LHX1: variants seen among roughly 807,000 people sequenced by gnomAD.
The protein encoded by LHX1 is LIM/homeobox protein Lhx1.
A neutral mutation model predicts 34.1 loss-of-function variants in LHX1; 9 were observed. The observed-to-expected ratio is 0.26, with a 90% CI of 0.16 to 0.46. LHX1 has a LOEUF of 0.46. LHX1 is among the 20% of genes least tolerant of loss of function. The pLI is 1.00. For synonymous variants in LHX1, 254 were observed against 241.5 expected, an observed-to-expected ratio of 1.05 and a Z score of -0.48; for missense variants, 446 against 559.1, an observed-to-expected ratio of 0.80 and a Z score of 2.04.
chr17:36,938,488 C>A, intron 1 of LHX1, 121 bp downstream of exon 1: 6 of 1,030,464 alleles, frequency 5.8e-6, no homozygotes, highest in Non-Finnish European at 7.2e-6. Context: ...GAGAGGGCAG[C>A]CAAGTCCCGC....
chr17:36,942,264 G>C lies in LHX1; in HGVS notation c.740G>C (p.Arg247Pro). Residue 247 changes from arginine (R) to proline (P), a missense_variant, in exon 4 of 5, where the codon CGG becomes CCG. Around this residue, in one of 3 missense-constraint regions of LHX1, gnomAD observed 43 missense variants for 108.0 expected, o/e 0.40. Coordinates refer to ENST00000614239, the MANE Select transcript of LHX1 (RefSeq NM_005568.5). ...RMKQLSALGA[R>P]RHAFFRSPRR... ...AAGCAGCTGAGCGCCCTGGGCGCCC[G>C]GCGCCACGCCTTCTTCCGCAGTCCG... 1 of 1,599,728 alleles carries C rather than the reference G, an allele frequency of 6.3e-7. No homozygotes were observed. The highest frequency in any genetic ancestry group is 8.5e-7 in the Non-Finnish European group (1 of 1,175,076).
rs1231657071 is a variant in LHX1, at chr17:36,944,216, A to G, written c.*1085A>G. 6.6e-6 allele frequency: 1 copy of G among 151,920 alleles called. No homozygotes were observed. The highest frequency in any genetic ancestry group is 2.4e-5 in the African/African-American group (1 of 41,356). The allele number at this position is 151,920 out of a possible 1,614,324, so 9.4% of individuals were successfully genotyped here. A position where few individuals can be genotyped will look rare whatever the true frequency, so the allele number is the denominator to read the frequency against. On this transcript the variant is annotated 3_prime_UTR_variant, in exon 5 of 5. Coordinates refer to ENST00000614239, the MANE Select transcript of LHX1 (RefSeq NM_005568.5). The stretch of plus-strand genomic sequence containing the variant: ...GACAGTTGCCAAATAGAATAATTAT[A>G]GCACAAATACTGTAAAGGTGCCTGG...
In LHX1 at chr17:36,944,530, C is replaced by T. The variant is rs912213870; in HGVS notation, c.*1399C>T. 1 of 152,152 alleles carries T rather than the reference C, an allele frequency of 6.6e-6. No individual in the cohort carries two copies. The highest frequency in any genetic ancestry group is 6.5e-5 in the Admixed American group (1 of 15,280). The allele number at this position is 152,152 out of a possible 1,614,324, so 9.4% of individuals were successfully genotyped here. On this transcript the variant is annotated 3_prime_UTR_variant, in exon 5 of 5. Coordinates refer to ENST00000614239, the MANE Select transcript of LHX1 (RefSeq NM_005568.5). The stretch of plus-strand genomic sequence containing the variant: ...ACCTAAGCTTGTGTGACCTCCAGTG[C>T]ATATTAGACCATTCACTGTATGAAA...
At position 36,938,130 on chromosome 17, in the gene LHX1, G is replaced by A; in HGVS notation, c.-68G>A. ...GGGGAGCTCGTGCCGATTGTCTTCA[G>A]GAGTCATCCCCTGGGCTCTACTTTG... On this transcript the variant is annotated 5_prime_UTR_variant, in exon 1 of 5. Transcript: ENST00000614239. The A allele has an allele frequency of 6.6e-7, 1 of 1,508,792 alleles. No homozygotes were observed. Among genetic ancestry groups the A allele is most frequent in the South Asian group, 1.1e-5 (1 of 88,880 alleles). 93.5% of individuals were successfully genotyped at this position (1,508,792 alleles called of 1,614,324 possible). A position where few individuals can be genotyped will look rare whatever the true frequency, so the allele number is the denominator to read the frequency against.
rs1051008417 is a variant in LHX1, at chr17:36,937,891, G to C, written c.-307G>C. On this transcript the variant is annotated 5_prime_UTR_variant, in exon 1 of 5. Coordinates refer to ENST00000614239, the MANE Select transcript of LHX1 (RefSeq NM_005568.5). ...ACTCCTCCGCGGGCTCTGAGCAGAA[G>C]GGTCGCATTCTCTCCCGCCTGAGAC... 1.7e-6 allele frequency: 1 copy of C among 602,906 alleles called. No homozygotes were observed. Among genetic ancestry groups the C allele is most frequent in the South Asian group, 1.6e-5 (1 of 62,292 alleles). The allele number at this position is 602,906 out of a possible 1,614,324, so 37.3% of individuals were successfully genotyped here. A position where few individuals can be genotyped will look rare whatever the true frequency, so the allele number is the denominator to read the frequency against.
Position 36,940,656 on chromosome 17 carries a change from G to T in LHX1, c.444G>T (p.Pro148=), listed in dbSNP as rs754162995. The change falls in exon 3 of 5, where the codon CCG becomes CCT. Residue 148 remains proline, a synonymous_variant. Transcript: ENST00000614239. ...DPSLSPDSQD[P]SQDDAKDSES... is the part of the protein sequence containing the mutation. ...GTTTGTCTCCGGATTCCCAAGACCC[G>T]TCGCAGGACGACGCCAAGGACTCGG... is the stretch of plus-strand genomic sequence containing the variant. The T allele has an allele frequency of 5.6e-6, 9 of 1,613,738 alleles. No homozygotes were observed. Among genetic ancestry groups the T allele is most frequent in the African/African-American group, 5.3e-5 (4 of 74,926 alleles).
intron 3 of LHX1, chr17:36,941,525 G>C (rs967031739): frequency 1.1e-5 from 3 of 267,666 alleles, no homozygotes; most frequent in African/African-American, 2.2e-5. Flanking sequence ...AGTGCTAGGT[G>C]TCCGGTTCAC....
At chr17:36,941,380 C>T (rs1405113277) in intron 3 of LHX1, 2 of 342,272 alleles carry the variant, frequency 5.8e-6, no homozygotes, top group Non-Finnish European at 1.2e-5. Flanking sequence ...AGAGGTGGTT[C>T]CGCCGGGAGT....
chr17:36,940,904 C>A lies in LHX1; in HGVS notation c.675+17C>A. ...GTCATTCAGGTCAGGCCCCGGCGCG[C>A]CTCTCCATCCCACAGAGGCCCACAC... On this transcript the variant is annotated intron_variant, in intron 3 of 4. Coordinates refer to ENST00000614239, the MANE Select transcript of LHX1 (RefSeq NM_005568.5). 1 of 1,565,434 alleles carries A rather than the reference C, an allele frequency of 6.4e-7. No homozygotes were observed.
In LHX1 at chr17:36,943,659, T is replaced by TA. The variant is rs1245403489; in HGVS notation, c.*529dup. The TA allele has an allele frequency of 6.6e-6, 1 of 152,340 alleles. No individual in the cohort carries two copies. Among genetic ancestry groups the TA allele is most frequent in the Non-Finnish European group, 1.5e-5 (1 of 68,200 alleles). 9.4% of individuals were successfully genotyped at this position (152,340 alleles called of 1,614,324 possible). The stretch of plus-strand genomic sequence containing the variant: ...CAACAACAGCGACAAAAAACTCTTA[T>TA]AGCTTCAGAAACGCCGACCTGCCGT... On this transcript the variant is annotated 3_prime_UTR_variant, in exon 5 of 5. Transcript: ENST00000614239.
upstream of LHX1, chr17:36,937,150 A>G (rs543067195): frequency 2.3e-6 from 1 of 432,570 alleles, no homozygotes; most frequent in Non-Finnish European, 4.6e-6. Context: ...CTGTGGGGTT[A>G]GACGGAGGCA....
rs1026292207 is a variant in LHX1, at chr17:36,941,158, T to G, written c.675+271T>G. On this transcript the variant is annotated intron_variant, in intron 3 of 4. Transcript: ENST00000614239. ...CCAGAGGCTGGAGGAGGAGAACTGTTGAACACTCTGGAGAGAGTGGGGAGC... is the reference window on the plus strand; with the variant it reads ...CCAGAGGCTGGAGGAGGAGAACTGTGGAACACTCTGGAGAGAGTGGGGAGC... 10 of 701,608 alleles carry G rather than the reference T, an allele frequency of 1.4e-5. No homozygotes were observed. In the African/African-American group the frequency reaches 1.6e-4, roughly 11 times the overall value. The allele number at this position is 701,608 out of a possible 1,614,324, so 43.5% of individuals were successfully genotyped here. A position where few individuals can be genotyped will look rare whatever the true frequency, so the allele number is the denominator to read the frequency against.
At chr17:36,940,252 CA>C (rs2070755243) in intron 1 of LHX1, 37 bp from the exon 2 acceptor site, 1 of 651,752 alleles carries the variant, frequency 1.5e-6, no homozygotes, top group Admixed American at 2.1e-5. Context: ...CTGGCTGACC[CA>C]TCCCCGCCCC....
chr17:36,940,455 C>T lies in LHX1; in HGVS notation c.336C>T (p.Phe112=), dbSNP rs780852541. The change falls in exon 2 of 5, where the codon TTC becomes TTT. Residue 112 remains phenylalanine, a synonymous_variant. Transcript: ENST00000614239. ...EELYIIDENK[F]VCKEDYLSNS... ...TCTACATCATCGACGAGAATAAGTT[C>T]GTCTGCAAAGAGGATTACCTAAGTA... The T allele has an allele frequency of 1.9e-6, 3 of 1,614,008 alleles. No homozygotes were observed. Among genetic ancestry groups the T allele is most frequent in the South Asian group, 1.1e-5 (1 of 91,094 alleles).
upstream of LHX1, chr17:36,936,945 C>A (rs1488193105): frequency 3.0e-5 from 7 of 234,216 alleles, no homozygotes; most frequent in Admixed American, 6.2e-5. Context: ...GCCGTTCCAG[C>A]CGCCGGCCTA....
chr17:36,942,401 C>T lies in LHX1; in HGVS notation c.841+36C>T, dbSNP rs201488963. On this transcript the variant is annotated intron_variant, in intron 4 of 4. Transcript: ENST00000614239. ...GCCGAATGGCGGGGCGCGGCCAGGT[C>T]GGGGCGGGCTTCGTTGGAAGCGGGT... 22 of 1,552,098 alleles carry T rather than the reference C, an allele frequency of 1.4e-5. No homozygotes were observed. In the East Asian group the frequency reaches 4.6e-4, roughly 32 times the overall value.
At chr17:36,942,151 G>C (rs1039321623) in intron 3 of LHX1, 49 bp from the exon 4 acceptor site, 2 of 1,545,666 alleles carry the variant, frequency 1.3e-6, no homozygotes, top group Non-Finnish European at 1.7e-6. Flanking sequence ...AGCACCCCGG[G>C]GTCGGGGGTG....
rs2070787254 is a variant in LHX1 at position 36,944,112 on chromosome 17, T to C, written c.*981T>C. 6.6e-6 allele frequency: 1 copy of C among 152,170 alleles called. No individual in the cohort carries two copies. The highest frequency in any genetic ancestry group is 2.4e-5 in the African/African-American group (1 of 41,438). 9.4% of individuals were successfully genotyped at this position (152,170 alleles called of 1,614,324 possible). A position where few individuals can be genotyped will look rare whatever the true frequency, so the allele number is the denominator to read the frequency against. ...CTTTTCCTGTAGATGTTCTGACAGA[T>C]TTGCAGGGCTTTCGGCTCACTGTGC... On this transcript the variant is annotated 3_prime_UTR_variant, in exon 5 of 5. Coordinates refer to ENST00000614239, the MANE Select transcript of LHX1 (RefSeq NM_005568.5).
intron 1 of LHX1, among the ~76,000 whole-genome samples, chr17:36,939,550 C>T (rs1451392312): frequency 6.6e-6 from 1 of 152,208 alleles, no homozygotes; most frequent in Non-Finnish European, 1.5e-5. Context: ...GCGGGCTGCC[C>T]GGTTTTCCTC....
Sources: gnomAD v4.1 joint callset for allele counts (sites outside exome capture counted in the v4.1 genomes callset) on GRCh38, gnomAD v4.1.1 for gene constraint, gnomAD v4.1.1 regional missense constraint, MANE v1.5 for transcripts, NCBI Gene and HGNC (gene_info 2026-07-23, HGNC 2026-07-21) for gene names.